PVR: variants seen among roughly 807,000 people sequenced by gnomAD.
PVR encodes the protein poliovirus receptor.
PVR carries 39 observed loss-of-function variants against 43.3 expected under a neutral mutation model. The observed-to-expected ratio is 0.90, with a 90% confidence interval of 0.70 to 1.18. PVR has a LOEUF of 1.18. Ranked by LOEUF, PVR falls within the 50% of genes most tolerant of loss-of-function variation. The pLI is 0.00. For synonymous variants in PVR, 224 were observed against 233.2 expected (o/e 0.96, Z 0.36); for missense variants, 480 against 549.7 (o/e 0.87, Z 1.27).
At chr19:44,647,077 T>TGCCC in intron 1 of PVR, 146 bp from the exon 2 acceptor site, 11 of 311,372 alleles carry the variant, frequency 3.5e-5, no homozygotes, top group Non-Finnish European at 4.5e-5. Context: ...GTGCCCCAGT[T>TGCCC]CCCCCTCCCC....
At chr19:44,645,411 TTGTGTATATATATATATA>T (rs1973083020) in intron 1 of PVR, among the ~76,000 whole-genome samples, 1 of 49,320 alleles carries the variant, frequency 2.0e-5, no homozygotes, top group African/African-American at 1.3e-4. Flanking sequence ...TTTATATGTT[TTGTGTATATATATATATA>T]TATATATATA....
At chr19:44,661,671 C>A in intron 7 of PVR, 69 bp from the exon 8 acceptor site, 1 of 1,405,394 alleles carries the variant, frequency 7.1e-7, no homozygotes, top group Non-Finnish European at 1.0e-6. Flanking sequence ...GCACATGGGG[C>A]TTCAGTGGGA....
intron 2 of PVR, among the ~76,000 whole-genome samples, chr19:44,649,319 C>T (rs543985621): frequency 2.6e-5 from 4 of 152,256 alleles, no homozygotes; most frequent in East Asian, 1.9e-4. Context: ...TGCCTGTGAT[C>T]CCATCACTAT....
At position 44,644,146 on chromosome 19, in the gene PVR, T is replaced by C. The variant is rs758474884; in HGVS notation, c.50T>C (p.Leu17Pro). Residue 17 changes from leucine to proline, a missense_variant, in exon 1 of 8, where the codon CTG (leucine) becomes CCG (proline). By Grantham distance (98) the Leu-to-Pro change is moderately conservative (BLOSUM62 -3). Transcript: ENST00000425690. The stretch of plus-strand genomic sequence containing the variant: ...TGGCCGCTGCTGCTGGTGGCGCTAC[T>C]GGTGCTGTCCTGGCCACCCCCAGGA... ...AAWPLLLVAL[L>P]VLSWPPPGTG... 6.6e-7 allele frequency: 1 copy of C among 1,520,020 alleles called. No homozygotes were observed. The highest frequency in any genetic ancestry group is 8.8e-7 in the Non-Finnish European group (1 of 1,139,126). 94.2% of individuals were successfully genotyped at this position (1,520,020 alleles called of 1,614,324 possible).
Position 44,662,145 on chromosome 19 carries a change from C to T in PVR, c.*334C>T. 1 of 302,034 alleles carries T rather than the reference C, an allele frequency of 3.3e-6. No homozygotes were observed. The highest frequency in any genetic ancestry group is 6.4e-6 in the Non-Finnish European group (1 of 157,426). The allele number at this position is 302,034 out of a possible 1,614,324, so 18.7% of individuals were successfully genotyped here. ...AGGCGACGGCTTCCATCTGCCCTCTCCCAGTGGAGCCATATAGGCAGCACC... is the reference window on the plus strand; with the variant it reads ...AGGCGACGGCTTCCATCTGCCCTCTTCCAGTGGAGCCATATAGGCAGCACC... On this transcript the variant is annotated 3_prime_UTR_variant, in exon 8 of 8. Transcript: ENST00000425690.
At position 44,647,478 on chromosome 19, in the gene PVR, G is replaced by T. The variant is rs149912349; in HGVS notation, c.335G>T (p.Gly112Val). 2.1e-5 allele frequency: 34 copies of T among 1,614,016 alleles called. No individual in the cohort carries two copies. The highest frequency in any genetic ancestry group is 2.6e-5 in the Non-Finnish European group (31 of 1,180,026). Residue 112 changes from glycine (G) to valine (V), a missense_variant, in exon 2 of 8, where the codon GGG (glycine) becomes GTG (valine). Coordinates refer to ENST00000425690, the MANE Select transcript of PVR (RefSeq NM_006505.5). The part of the protein sequence containing the change: ...ELRNASLRMF[G>V]LRVEDEGNYT... ...CGGAATGCCTCGCTGAGGATGTTCG[G>T]GTTGCGCGTAGAGGATGAAGGCAAC...
chr19:44,659,428 C>CTGTCTAT, intron 6 of PVR, among the ~76,000 whole-genome samples: 1 of 152,126 alleles, frequency 6.6e-6, no homozygotes, highest in South Asian at 2.1e-4. Context: ...GTCTACATGC[C>CTGTCTAT]ACTTTGTATG....
intron 3 of PVR, 132 bp downstream of exon 3, chr19:44,650,237 C>T (rs929596853): frequency 2.6e-5 from 21 of 814,782 alleles, no homozygotes; most frequent in Middle Eastern, 3.8e-4. Context: ...CCTGTCTACA[C>T]GACCCACCCC....
At chr19:44,652,628 C>A (rs983463446) in intron 3 of PVR, among the ~76,000 whole-genome samples, 1 of 152,088 alleles carries the variant, frequency 6.6e-6, no homozygotes, top group African/African-American at 2.4e-5. Context: ...GTGATCCACC[C>A]ACCTTGGCCT....
In PVR at chr19:44,646,698, A is replaced by G. The variant is rs141499364; in HGVS notation, c.80-525A>G. Among the ~76,000 whole-genome samples, 1,485 of 152,224 alleles carry G rather than the reference A, an allele frequency of 9.8e-3. 18 individuals carry two copies. The highest frequency in any genetic ancestry group is 0.035 in the African/African-American group (1,433 of 41,526). On this transcript the variant is annotated intron_variant, in intron 1 of 7. Coordinates refer to ENST00000425690, the MANE Select transcript of PVR (RefSeq NM_006505.5). ...GAGGCAGGAGAACCGCTTGAACCCC[A>G]GAGGCAGAGCTTGCAGTGAGCAGAG...
rs555391578 is a variant in PVR at position 44,665,460 on chromosome 19, T to C, written c.*3649T>C. 4 of 151,960 alleles carry C rather than the reference T, an allele frequency of 2.6e-5. No individual in the cohort carries two copies. The highest frequency in any genetic ancestry group is 7.2e-5 in the African/African-American group (3 of 41,406). 9.4% of individuals were successfully genotyped at this position (151,960 alleles called of 1,614,324 possible). A position where few individuals can be genotyped will look rare whatever the true frequency, so the allele number is the denominator to read the frequency against. ...TAAGGAGTTCAAGACCAGACCATAG[T>C]GAAACCGTGTCTCTACAAAAAAAAT... is the stretch of plus-strand genomic sequence containing the variant. On this transcript the variant is annotated 3_prime_UTR_variant, in exon 8 of 8. Coordinates refer to ENST00000425690, the MANE Select transcript of PVR (RefSeq NM_006505.5).
intron 6 of PVR, among the ~76,000 whole-genome samples, chr19:44,659,800 G>A (rs914633241): frequency 4.6e-5 from 7 of 152,146 alleles, no homozygotes; most frequent in Admixed American, 3.3e-4. Flanking sequence ...CTCCTTGAAT[G>A]CCCACAACCA....
At position 44,647,275 on chromosome 19, in the gene PVR, C is replaced by G. The variant is rs760276601; in HGVS notation, c.132C>G (p.Ser44=). 1 of 1,566,412 alleles carries G rather than the reference C, an allele frequency of 6.4e-7. No individual in the cohort carries two copies. The highest frequency in any genetic ancestry group is 1.2e-5 in the South Asian group (1 of 85,482). The part of the protein sequence containing the change: ...PTQVPGFLGD[S]VTLPCYLQVP... ...AGGTGCCCGGCTTCTTGGGCGACTC[C>G]GTGACGCTGCCCTGCTACCTACAGG... Residue 44 remains serine (S), a synonymous_variant, in exon 2 of 8, where the codon TCC becomes TCG. Coordinates refer to ENST00000425690, the MANE Select transcript of PVR (RefSeq NM_006505.5).
In PVR at chr19:44,662,094, G is replaced by A. The variant is rs1973606496; in HGVS notation, c.*283G>A. ...ATTAAGATCAGCAAAGGGAGGAGGT[G>A]CACAGCACACGTTCCACGACAGATG... On this transcript the variant is annotated 3_prime_UTR_variant, in exon 8 of 8. Coordinates refer to ENST00000425690, the MANE Select transcript of PVR (RefSeq NM_006505.5). 1 of 462,060 alleles carries A rather than the reference G, an allele frequency of 2.2e-6. No individual in the cohort carries two copies. Among genetic ancestry groups the A allele is most frequent in the African/African-American group, 1.9e-5 (1 of 51,538 alleles). 28.6% of individuals were successfully genotyped at this position (462,060 alleles called of 1,614,324 possible).
intron 1 of PVR, 131 bp from the exon 2 acceptor site, chr19:44,647,091 CA>C: frequency 2.1e-6 from 1 of 483,492 alleles, no homozygotes; most frequent in South Asian, 3.3e-5. Context: ...CCTCCCCCCA[CA>C]CCCCACGGTC....
rs996334306 is a variant in PVR, at chr19:44,647,405, G to C, written c.262G>C (p.Glu88Gln). ...CCAAACGCAGGGCCCCAGCTATTCG[G>C]AGTCCAAACGGCTGGAATTCGTGGC... Reference protein sequence around the residue: ...FHQTQGPSYSESKRLEFVAAR... With the variant: ...FHQTQGPSYSQSKRLEFVAAR... Residue 88 changes from glutamate to glutamine, a missense_variant, in exon 2 of 8, where the codon GAG becomes CAG. Physicochemically the swap from Glu to Gln is conservative, Grantham distance 29. Transcript: ENST00000425690. 3.7e-6 allele frequency: 6 copies of C among 1,614,110 alleles called. No homozygotes were observed. The highest frequency in any genetic ancestry group is 2.7e-5 in the African/African-American group (2 of 75,050).
chr19:44,661,223 C>G (rs1365352248), intron 6 of PVR, 69 bp from the exon 7 acceptor site: 2 of 1,462,752 alleles, frequency 1.4e-6, no homozygotes, highest in Admixed American at 3.4e-5. Context: ...CCCTGACACC[C>G]AGGCATGTCT....
chr19:44,660,429 C>A (rs1158642883), intron 6 of PVR, among the ~76,000 whole-genome samples: 3 of 152,140 alleles, frequency 2.0e-5, no homozygotes, highest in African/African-American at 2.4e-5. Flanking sequence ...AAGCCACATA[C>A]TGAGTATGTA....
At chr19:44,649,072 TCTC>T (rs1327785257) in intron 2 of PVR, among the ~76,000 whole-genome samples, 1 of 152,070 alleles carries the variant, frequency 6.6e-6, no homozygotes, top group Non-Finnish European at 1.5e-5. Flanking sequence ...TCAGGCTTCC[TCTC>T]CTCCACTGAG....
Sources: gnomAD v4.1 joint callset for allele counts (sites outside exome capture counted in the v4.1 genomes callset) on GRCh38, gnomAD v4.1.1 for gene constraint, MANE v1.5 for transcripts, NCBI Gene and HGNC (gene_info 2026-07-23, HGNC 2026-07-21) for gene names.